CDH13: variants seen among roughly 807,000 people sequenced by gnomAD.
The protein encoded by CDH13 is cadherin-13.
CDH13 carries 24 observed loss-of-function variants against 63.8 expected under a neutral mutation model. That is an observed-to-expected ratio of 0.38 (90% CI 0.27 to 0.53). The LOEUF (loss-of-function observed/expected upper bound fraction) is 0.53, where lower values mean the gene tolerates loss of function less well. CDH13 is among the 20% of genes least tolerant of loss of function. The probability of loss-of-function intolerance (pLI) is 0.85; values close to 1 mark genes in which losing one functional copy is unlikely to be tolerated. For synonymous variants in CDH13, 503 were observed against 355.3 expected (o/e 1.42, Z -4.67); for missense variants, 1,049 against 903.1 (o/e 1.16, Z -2.07).
chr16:83,178,352 C>T (rs555261116), intron 4 of CDH13, among the ~76,000 whole-genome samples: 1 of 152,316 alleles, frequency 6.6e-6, no homozygotes, highest in African/African-American at 2.4e-5. Context: ...AACTCCCCCG[C>T]CGCACCCCAG....
chr16:83,350,256 C>A (rs2090925504), intron 6 of CDH13, among the ~76,000 whole-genome samples: 1 of 152,214 alleles, frequency 6.6e-6, no homozygotes, highest in African/African-American at 2.4e-5. Flanking sequence ...GCAGCCAGGG[C>A]AGCTGGGAGA....
At chr16:83,205,192 C>T (rs921204598) in intron 4 of CDH13, among the ~76,000 whole-genome samples, 1 of 152,170 alleles carries the variant, frequency 6.6e-6, no homozygotes, top group African/African-American at 2.4e-5. Context: ...AAAGGCAAAG[C>T]CAAGGAGAGT....
At chr16:82,979,452 G>T (rs973198290) in intron 2 of CDH13, among the ~76,000 whole-genome samples, 1 of 152,090 alleles carries the variant, frequency 6.6e-6, no homozygotes, top group African/African-American at 2.4e-5. Context: ...GAGGGACGTG[G>T]GGGGAGACGA....
At chr16:82,783,434 C>G (rs945860821) in intron 1 of CDH13, among the ~76,000 whole-genome samples, 11 of 152,222 alleles carry the variant, frequency 7.2e-5, no homozygotes, top group Non-Finnish European at 1.3e-4. Flanking sequence ...CTGCGTGAGC[C>G]TGCCTTCCAC....
chr16:82,785,047 G>A (rs1033094189), intron 1 of CDH13, among the ~76,000 whole-genome samples: 1 of 152,162 alleles, frequency 6.6e-6, no homozygotes, highest in Non-Finnish European at 1.5e-5. Context: ...AAGAAAGAAT[G>A]TAGCATGATC....
chr16:83,745,825 A>T (rs1035756954), intron 10 of CDH13, among the ~76,000 whole-genome samples: 2 of 152,252 alleles, frequency 1.3e-5, no homozygotes. Flanking sequence ...CCACACTTCG[A>T]TTCAACTTAA....
At chr16:83,289,160 C>G (rs752764688) in intron 5 of CDH13, among the ~76,000 whole-genome samples, 2 of 152,196 alleles carry the variant, frequency 1.3e-5, no homozygotes, top group Non-Finnish European at 2.9e-5. Context: ...GAGGCGAAGA[C>G]CAGGAAGAAT....
chr16:83,622,181 C>T (rs1296025712), intron 8 of CDH13, among the ~76,000 whole-genome samples: 3 of 152,172 alleles, frequency 2.0e-5, no homozygotes, highest in Non-Finnish European at 2.9e-5. Context: ...GACGTAGGTA[C>T]TCTTATTGTG....
chr16:82,756,724 G>A (rs1013171656), intron 1 of CDH13, among the ~76,000 whole-genome samples: 3 of 152,108 alleles, frequency 2.0e-5, no homozygotes, highest in African/African-American at 7.2e-5. Flanking sequence ...CAGAGAATTA[G>A]GAGGACCAAG....
Position 82,644,884 on chromosome 16 carries a change from G to A in CDH13, c.45+17747G>A, listed in dbSNP as rs1226819044. 6.6e-6 allele frequency among the ~76,000 whole-genome samples: 1 copy of A among 152,172 alleles called. No individual in the cohort carries two copies. Among genetic ancestry groups the A allele is most frequent in the Non-Finnish European group, 1.5e-5 (1 of 68,034 alleles). ...CTGAAGAGATACTGGTTCCATGGGA[G>A]GTTAATATGGGTTCTGGGGAAAAAA... On this transcript the variant is annotated intron_variant, in intron 1 of 13. Coordinates refer to ENST00000567109, the MANE Select transcript of CDH13 (RefSeq NM_001257.5). This position sits in a 1 kb window ranked among gnomAD's most constrained non-coding sequence, Gnocchi z 5.7.
At chr16:83,046,897 C>T (rs7196834) in intron 3 of CDH13, among the ~76,000 whole-genome samples, 61,786 of 151,970 alleles carry the variant, frequency 0.41, 13,244 homozygotes, top group South Asian at 0.56. Context: ...TCAGAGAAGA[C>T]TGGACATGAG....
In CDH13 at chr16:82,858,472, C is replaced by G; in HGVS notation, c.156C>G (p.Asn52Lys). ...AEFIEDQSIL[N>K]LTFSDCKGND... ...TCATTGAGGACCAGTCAATTCTAAA[C>G]TGTAAGCAATGTCACTCAAAGATGC... The change falls in exon 2 of 14, where the codon AAC (asparagine) becomes AAG (lysine). Residue 52 changes from asparagine to lysine, a missense_variant and splice_region_variant. By Grantham distance (94) the Asn-to-Lys change is moderately conservative. Transcript: ENST00000567109. 4 of 1,569,458 alleles carry G rather than the reference C, an allele frequency of 2.5e-6. No homozygotes were observed. The highest frequency in any genetic ancestry group is 4.5e-5 in the East Asian group (2 of 44,678).
chr16:83,708,239 C>T (rs1398604496), intron 10 of CDH13, among the ~76,000 whole-genome samples: 1 of 152,216 alleles, frequency 6.6e-6, no homozygotes, highest in Non-Finnish European at 1.5e-5. Flanking sequence ...GCACAAGCTC[C>T]TCTCAAATAC....
chr16:83,281,238 C>G (rs1348350607), intron 5 of CDH13, among the ~76,000 whole-genome samples: 1 of 152,252 alleles, frequency 6.6e-6, no homozygotes, highest in Non-Finnish European at 1.5e-5. Context: ...TCAGCACTCG[C>G]TGCTTCGCCT....
intron 6 of CDH13, among the ~76,000 whole-genome samples, chr16:83,485,553 T>G (rs896033714): frequency 5.3e-5 from 8 of 152,204 alleles, no homozygotes; most frequent in Non-Finnish European, 1.0e-4. Flanking sequence ...TAGTGTTTGC[T>G]CTCATTCCCT....
intron 7 of CDH13, among the ~76,000 whole-genome samples, chr16:83,526,462 T>C (rs138134642): frequency 6.6e-6 from 1 of 152,302 alleles, no homozygotes; most frequent in East Asian, 1.9e-4. Flanking sequence ...ATAAGGAGCA[T>C]GCAAGCTAGA....
intron 2 of CDH13, among the ~76,000 whole-genome samples, chr16:82,871,639 C>T (rs1321972142): frequency 7.0e-6 from 1 of 143,636 alleles, no homozygotes; most frequent in Admixed American, 6.8e-5. Context: ...GCTGTTTTGA[C>T]TGTAATCAAC....
intron 4 of CDH13, among the ~76,000 whole-genome samples, chr16:83,135,930 C>G: frequency 6.6e-6 from 1 of 152,086 alleles, no homozygotes; most frequent in Admixed American, 6.5e-5. Flanking sequence ...AATGGAAAAC[C>G]AAACATCATA....
chr16:83,450,227 G>C (rs182100919), intron 6 of CDH13, among the ~76,000 whole-genome samples: 75 of 152,344 alleles, frequency 4.9e-4, no homozygotes, highest in Non-Finnish European at 1.0e-3. Context: ...CACCTGTGAG[G>C]CCCATAAGCC....
Sources: allele counts gnomAD v4.1 joint callset (sites outside exome capture counted in the v4.1 genomes callset), GRCh38; gene constraint gnomAD v4.1.1; non-coding constraint Gnocchi (gnomAD v3.1); transcripts MANE v1.5; gene names NCBI Gene and HGNC (gene_info 2026-07-23, HGNC 2026-07-21).